The following PATJ variants were observed in gnomAD, a reference collection of about 807,000 sequenced individuals.
PATJ encodes PATJ crumbs cell polarity complex component.
Under a neutral mutation model 224.9 loss-of-function variants are expected in PATJ, and 190 were observed. The ratio of observed to expected loss-of-function variants is 0.84; its 90% confidence interval spans 0.75 to 0.95. PATJ has a LOEUF of 0.95. Among genes scored for constraint, PATJ ranks in the 40% least tolerant of loss-of-function variants. PATJ has a pLI of 0.00. For synonymous variants in PATJ, 769 were observed against 820.3 expected, an observed-to-expected ratio of 0.94 and a Z score of 1.07; for missense variants, 2,121 against 2,270.3, an observed-to-expected ratio of 0.93 and a Z score of 1.34.
At chr1:62,131,704 T>C (rs116694411) in intron 41 of PATJ, among the ~76,000 whole-genome samples, 2,412 of 151,896 alleles carry the variant, frequency 0.016, 22 homozygotes, top group Non-Finnish European at 0.025. Flanking sequence ...GGAAGATCAC[T>C]TGAGCCCAAG....
At chr1:61,990,987 G>A (rs574709096) in intron 28 of PATJ, among the ~76,000 whole-genome samples, 22 of 152,192 alleles carry the variant, frequency 1.4e-4, no homozygotes, top group Admixed American at 4.6e-4. Flanking sequence ...TAAGGTATCT[G>A]TTCTGAGCTT....
chr1:62,063,089 T>G (rs1655832516), intron 31 of PATJ, among the ~76,000 whole-genome samples: 1 of 152,238 alleles, frequency 6.6e-6, no homozygotes, highest in Non-Finnish European at 1.5e-5. Flanking sequence ...TGAAGGCTGA[T>G]GTACAGAAGG....
intron 38 of PATJ, among the ~76,000 whole-genome samples, chr1:62,122,127 G>C (rs1219749778): frequency 6.6e-6 from 1 of 151,900 alleles, no homozygotes; most frequent in African/African-American, 2.4e-5. Context: ...CACTTTGGGA[G>C]GCCAAGGCAG....
chr1:61,832,412 C>T (rs1285054549), intron 16 of PATJ, among the ~76,000 whole-genome samples: 2 of 152,014 alleles, frequency 1.3e-5, no homozygotes, highest in Non-Finnish European at 2.9e-5. Context: ...TTTTCCCTTC[C>T]CTTTTTTGTT....
intron 1 of PATJ, among the ~76,000 whole-genome samples, chr1:61,743,965 C>T (rs1644891491): frequency 6.6e-6 from 1 of 152,084 alleles, no homozygotes; most frequent in Non-Finnish European, 1.5e-5. Flanking sequence ...GTTTTGCAGA[C>T]TGAAAGCCAG....
At chr1:61,974,175 A>G (rs79924503) in intron 27 of PATJ, among the ~76,000 whole-genome samples, 4,431 of 151,998 alleles carry the variant, frequency 0.029, 96 homozygotes, top group Middle Eastern at 0.058. Context: ...TTCAAAGGAC[A>G]TGTCGAGCAA....
At chr1:61,803,172 C>T (rs1029773106) in intron 12 of PATJ, among the ~76,000 whole-genome samples, 5 of 152,144 alleles carry the variant, frequency 3.3e-5, no homozygotes, top group Middle Eastern at 3.4e-3. Flanking sequence ...CAAAGTTTTT[C>T]GTATCACCAT....
At chr1:62,001,922 C>A (rs906571843) in intron 28 of PATJ, among the ~76,000 whole-genome samples, 1 of 152,118 alleles carries the variant, frequency 6.6e-6, no homozygotes, top group African/African-American at 2.4e-5. Flanking sequence ...ACAGAAAGGA[C>A]GTGACAGCCC....
At chr1:62,057,699 G>A (rs1028942808) in intron 31 of PATJ, among the ~76,000 whole-genome samples, 1 of 152,192 alleles carries the variant, frequency 6.6e-6, no homozygotes. Context: ...AATAATTGAC[G>A]TTTCTTGCCC....
chr1:61,945,760 T>C (rs1436274200), intron 27 of PATJ, among the ~76,000 whole-genome samples: 2 of 152,182 alleles, frequency 1.3e-5, no homozygotes, highest in Non-Finnish European at 1.5e-5. Flanking sequence ...CAACAGAATA[T>C]ACATTCTTCT....
Position 61,840,825 on chromosome 1 carries a change from TTTGGTACATA to T in PATJ, c.2112+7043_2112+7052del, listed in dbSNP as rs1660970946. 3.9e-5 allele frequency among the ~76,000 whole-genome samples: 6 copies of T among 152,236 alleles called. No individual in the cohort carries two copies. In the South Asian group the frequency reaches 1.2e-3, roughly 32 times the overall value. On this transcript the variant is annotated intron_variant, in intron 17 of 43. Transcript: ENST00000642238. ...GAAGAGCATACTGTATCTTTTAAAT[TTTGGTACATA>T]TTTACCAAATAGCTTGCATTTAAGT...
At chr1:61,815,463 T>G (rs1389023213) in intron 14 of PATJ, among the ~76,000 whole-genome samples, 1 of 152,214 alleles carries the variant, frequency 6.6e-6, no homozygotes, top group Non-Finnish European at 1.5e-5. Flanking sequence ...CTCTGTCTCA[T>G]CAGCTTTCTG....
intron 7 of PATJ, among the ~76,000 whole-genome samples, chr1:61,786,756 C>T (rs1280086691): frequency 6.6e-6 from 1 of 152,062 alleles, no homozygotes; most frequent in African/African-American, 2.4e-5. Flanking sequence ...CTTTGAGAGG[C>T]TGAGGCGGGT....
chr1:62,093,147 T>C (rs900318418), intron 33 of PATJ, among the ~76,000 whole-genome samples: 6 of 152,146 alleles, frequency 3.9e-5, no homozygotes, highest in African/African-American at 1.4e-4. Context: ...AGAAGTTCTA[T>C]AGGGCAGCTA....
intron 33 of PATJ, among the ~76,000 whole-genome samples, chr1:62,089,118 C>T (rs1252030564): frequency 6.6e-6 from 1 of 152,032 alleles, no homozygotes; most frequent in Non-Finnish European, 1.5e-5. Context: ...CATAGGAAAT[C>T]GGAAGAATTT....
At chr1:61,779,855 G>A (rs190578930) in intron 7 of PATJ, among the ~76,000 whole-genome samples, 1 of 152,322 alleles carries the variant, frequency 6.6e-6, no homozygotes, top group East Asian at 1.9e-4. Context: ...CATGGTGGAA[G>A]GTGAAGGAGA....
At chr1:61,920,691 T>G (rs1487144640) in intron 26 of PATJ, among the ~76,000 whole-genome samples, 3 of 150,240 alleles carry the variant, frequency 2.0e-5, no homozygotes, top group African/African-American at 7.3e-5. Context: ...AATCTAGACT[T>G]GTATGGAATT....
At chr1:62,017,835 A>C (rs1421729072) in intron 28 of PATJ, 21 bp from the exon 29 acceptor site, 1 of 1,310,610 alleles carries the variant, frequency 7.6e-7, no homozygotes, top group Non-Finnish European at 1.1e-6. Context: ...AATTTAGTAC[A>C]TTGTGGTTTT....
rs774461403 is a variant in PATJ at position 61,822,973 on chromosome 1, G to A, written c.1712G>A (p.Gly571Asp). Residue 571 changes from glycine to aspartate, a missense_variant, in exon 15 of 44, where the codon GGT becomes GAT. Coordinates refer to ENST00000642238, the MANE Select transcript of PATJ (RefSeq NM_001350145.3). ...KLLPIHTLRL[G>D]VEVDSFDGHH... Reference sequence around the variant, plus strand: ...CTGCCTATTCACACTCTGAGGCTTGGTGTGGAAGTGGATTCCTTTGATGGG... The same window carrying A: ...CTGCCTATTCACACTCTGAGGCTTGATGTGGAAGTGGATTCCTTTGATGGG... The A allele has an allele frequency of 5.6e-6, 9 of 1,614,006 alleles. No individual in the cohort carries two copies. The highest frequency in any genetic ancestry group is 4.0e-5 in the African/African-American group (3 of 74,896).
Sources: allele counts gnomAD v4.1 joint callset (sites outside exome capture counted in the v4.1 genomes callset), GRCh38; gene constraint gnomAD v4.1.1; transcripts MANE v1.5; gene names NCBI Gene and HGNC (gene_info 2026-07-23, HGNC 2026-07-21).